GNAZ: variants seen among roughly 807,000 people sequenced by gnomAD.
The protein encoded by GNAZ is G protein subunit alpha z.
Under a neutral mutation model 25.4 loss-of-function variants are expected in GNAZ, and 3 were observed. The observed-to-expected ratio is 0.12, with a 90% CI of 0.05 to 0.30. The LOEUF is 0.30. Among genes scored for constraint, GNAZ ranks in the 10% least tolerant of loss-of-function variants. The probability of loss-of-function intolerance (pLI) is 1.00; values close to 1 mark genes in which losing one functional copy is unlikely to be tolerated. For synonymous variants in GNAZ, 211 were observed against 205.7 expected, an observed-to-expected ratio of 1.03 and a Z score of -0.22; for missense variants, 241 against 501.8, an observed-to-expected ratio of 0.48 and a Z score of 4.97.
intron 1 of GNAZ, among the ~76,000 whole-genome samples, chr22:23,078,090 C>A (rs1047302377): frequency 8.5e-5 from 13 of 152,234 alleles, no homozygotes; most frequent in Non-Finnish European, 1.2e-4. Context: ...GCTACCAGGA[C>A]CCCTGCTGGT....
At chr22:23,085,782 G>C (rs1010209150) in intron 1 of GNAZ, among the ~76,000 whole-genome samples, 6 of 152,250 alleles carry the variant, frequency 3.9e-5, no homozygotes, top group African/African-American at 1.4e-4. Context: ...AGTGGGGACA[G>C]AGCAGGGGGC....
intron 2 of GNAZ, among the ~76,000 whole-genome samples, chr22:23,106,748 T>G (rs1459851389): frequency 6.6e-6 from 1 of 152,226 alleles, no homozygotes; most frequent in Non-Finnish European, 1.5e-5. Flanking sequence ...GCACAACCTC[T>G]AAGCCTCCCA....
At chr22:23,099,244 C>T (rs1222915294) in intron 2 of GNAZ, among the ~76,000 whole-genome samples, 1 of 152,276 alleles carries the variant, frequency 6.6e-6, no homozygotes, top group East Asian at 1.9e-4. Context: ...GAGTGCAGGG[C>T]AGCACCTCAG....
In GNAZ at chr22:23,095,891, T is replaced by C; in HGVS notation, c.196T>C (p.Cys66Arg). ...CAGCGGCGGCTTCAACCTGGAGGCC[T>C]GCAAGGAGTACAAGCCCCTCATCAT... ...IHSGGFNLEA[C>R]KEYKPLIIYN... Residue 66 changes from cysteine (C) to arginine (R), a missense_variant, in exon 2 of 3, where the codon TGC becomes CGC. Cys to Arg is a radical substitution (Grantham distance 180). Coordinates refer to ENST00000615612, the MANE Select transcript of GNAZ (RefSeq NM_002073.4). The C allele has an allele frequency of 6.2e-7, 1 of 1,613,708 alleles. No individual in the cohort carries two copies. The highest frequency in any genetic ancestry group is 8.5e-7 in the Non-Finnish European group (1 of 1,180,028).
chr22:23,107,481 CAGG>C (rs1343404671), intron 2 of GNAZ, among the ~76,000 whole-genome samples: 1 of 152,182 alleles, frequency 6.6e-6, no homozygotes. Context: ...TGTCTGAGGA[CAGG>C]AGTTGTGGCC....
chr22:23,123,084 C>T lies in GNAZ; in HGVS notation c.724-3C>T. On this transcript the variant is annotated splice_polypyrimidine_tract_variant and splice_region_variant and intron_variant, in intron 2 of 2. Transcript: ENST00000615612. Reference sequence around the variant, plus strand: ...ATTAACGCCAGTACTTTCCTTTCCCCAGAGTCGGATGGCAGAGAGCTTGCG... The same window carrying T: ...ATTAACGCCAGTACTTTCCTTTCCCTAGAGTCGGATGGCAGAGAGCTTGCG... 2 of 1,605,530 alleles carry T rather than the reference C, an allele frequency of 1.2e-6. No homozygotes were observed. Among genetic ancestry groups the T allele is most frequent in the Non-Finnish European group, 1.7e-6 (2 of 1,172,222 alleles).
chr22:23,119,966 G>A (rs2069964534), intron 2 of GNAZ, among the ~76,000 whole-genome samples: 1 of 152,204 alleles, frequency 6.6e-6, no homozygotes, highest in Non-Finnish European at 1.5e-5. Flanking sequence ...GCCTGAGCCT[G>A]AAATGCCTGC....
chr22:23,111,026 AG>A (rs768570443), intron 2 of GNAZ, among the ~76,000 whole-genome samples: 4 of 152,138 alleles, frequency 2.6e-5, no homozygotes, highest in South Asian at 2.1e-4. Context: ...ACTTCGAATG[AG>A]GGGGTAGGAT....
At chr22:23,086,446 G>A (rs1448113736) in intron 1 of GNAZ, among the ~76,000 whole-genome samples, 1 of 152,252 alleles carries the variant, frequency 6.6e-6, no homozygotes. Flanking sequence ...AGGTGCAGCT[G>A]TCCCCTGCGT....
intron 1 of GNAZ, among the ~76,000 whole-genome samples, chr22:23,082,810 A>G (rs2146277763): frequency 6.6e-6 from 1 of 152,214 alleles, no homozygotes; most frequent in African/African-American, 2.4e-5. Context: ...GACATGGGGG[A>G]TGGGCCTGAG....
chr22:23,100,145 T>C lies in GNAZ; in HGVS notation c.723+3727T>C, dbSNP rs73384377. Among the ~76,000 whole-genome samples, 804 of 152,038 alleles carry C rather than the reference T, an allele frequency of 5.3e-3. 9 individuals carry two copies. The highest frequency in any genetic ancestry group is 0.017 in the African/African-American group (720 of 41,454). ...GCTCAAGGCTCAGGCTGGGGCCAAG[T>C]ATGAGGGTGAGCACAACTCTCCCAG... On this transcript the variant is annotated intron_variant, in intron 2 of 2. Coordinates refer to ENST00000615612, the MANE Select transcript of GNAZ (RefSeq NM_002073.4).
chr22:23,085,377 C>T (rs1020065599), intron 1 of GNAZ, among the ~76,000 whole-genome samples: 6 of 152,192 alleles, frequency 3.9e-5, no homozygotes, highest in Non-Finnish European at 7.3e-5. Context: ...CAAGCAGGGC[C>T]ACACACAGTG....
Position 23,095,598 on chromosome 22 carries a change from C to T in GNAZ, c.-98C>T. The T allele has an allele frequency of 7.3e-7, 1 of 1,371,772 alleles. No individual in the cohort carries two copies. Among genetic ancestry groups the T allele is most frequent in the Non-Finnish European group, 9.8e-7 (1 of 1,016,990 alleles). The allele number at this position is 1,371,772 out of a possible 1,614,324, so 85.0% of individuals were successfully genotyped here. A position where few individuals can be genotyped will look rare whatever the true frequency, so the allele number is the denominator to read the frequency against. On this transcript the variant is annotated 5_prime_UTR_variant, in exon 2 of 3. Transcript: ENST00000615612. ...CTGCTGGCACTGAGTGCCTCCAGGG[C>T]AGCTGGGCTCTTGTCTGCCTGGTCT... is the stretch of plus-strand genomic sequence containing the variant.
chr22:23,086,054 T>C (rs1299464056), intron 1 of GNAZ, among the ~76,000 whole-genome samples: 1 of 152,254 alleles, frequency 6.6e-6, no homozygotes, highest in Non-Finnish European at 1.5e-5. Flanking sequence ...CTCTACACTG[T>C]TTTGTATTTA....
At chr22:23,086,415 G>C (rs1265069303) in intron 1 of GNAZ, among the ~76,000 whole-genome samples, 1 of 152,236 alleles carries the variant, frequency 6.6e-6, no homozygotes, top group African/African-American at 2.4e-5. Context: ...CCCAGCAGTG[G>C]CAGCAGACGG....
intron 1 of GNAZ, among the ~76,000 whole-genome samples, chr22:23,083,004 C>T (rs1003610901): frequency 1.3e-5 from 2 of 151,828 alleles, no homozygotes; most frequent in East Asian, 1.9e-4. Flanking sequence ...GGAAAGGGCA[C>T]GTGGGAGACT....
At chr22:23,105,327 C>T (rs546692248) in intron 2 of GNAZ, among the ~76,000 whole-genome samples, 16 of 152,376 alleles carry the variant, frequency 1.1e-4, no homozygotes, top group South Asian at 8.3e-4. Context: ...GCAGTAACAA[C>T]CCAAATATGT....
chr22:23,111,605 G>A (rs1424638002), intron 2 of GNAZ, among the ~76,000 whole-genome samples: 1 of 152,242 alleles, frequency 6.6e-6, no homozygotes, highest in African/African-American at 2.4e-5. Context: ...TGACCATCTT[G>A]GACAAACAGC....
chr22:23,071,347 TG>T lies in GNAZ; in HGVS notation c.-450+782del, dbSNP rs2068368478. 6.6e-6 allele frequency among the ~76,000 whole-genome samples: 1 copy of T among 151,932 alleles called. No homozygotes were observed. The highest frequency in any genetic ancestry group is 2.1e-4 in the South Asian group (1 of 4,818). ...GGCAGGATTCGGCCTAGGCCGAGAA[TG>T]GGGGCTCCTGTTAACTGAGACAAGA... On this transcript the variant is annotated intron_variant, in intron 1 of 2. Transcript: ENST00000615612. The surrounding 1 kb of genome is among the most constrained non-coding windows in gnomAD (Gnocchi z 4.1).
Sources: gnomAD v4.1 joint callset for allele counts (sites outside exome capture counted in the v4.1 genomes callset) on GRCh38, gnomAD v4.1.1 for gene constraint, Gnocchi (gnomAD v3.1) non-coding constraint, MANE v1.5 for transcripts, NCBI Gene and HGNC (gene_info 2026-07-23, HGNC 2026-07-21) for gene names.